PHEX: variants seen among roughly 807,000 people sequenced by gnomAD.
PHEX encodes phosphate-regulating neutral endopeptidase PHEX.
PHEX carries 16 observed loss-of-function variants against 68.0 expected under a neutral mutation model. The observed-to-expected ratio is 0.24, with a 90% CI of 0.16 to 0.36. PHEX has a LOEUF of 0.36. Ranked by LOEUF, PHEX falls within the 10% of genes least tolerant of loss-of-function variation. PHEX has a pLI of 1.00. For synonymous variants in PHEX, 208 were observed against 205.1 expected, an observed-to-expected ratio of 1.01 and a Z score of -0.12; for missense variants, 480 against 575.5, an observed-to-expected ratio of 0.83 and a Z score of 1.70.
At position 22,127,584 on chromosome X, in the gene PHEX, T is replaced by C. The variant is rs145773853; in HGVS notation, c.1303-5939T>C. Among the ~76,000 whole-genome samples the C allele has an allele frequency of 3.9e-3, 435 of 111,661 alleles. 4 individuals are homozygous for C. Among genetic ancestry groups the C allele is most frequent in the African/African-American group, 0.013 (410 of 30,722 alleles). ...AAAATAATTATTTCTCTTATTTGCATTGACATGTCAACCAATGAAATTAAT... is the reference window on the plus strand; with the variant it reads ...AAAATAATTATTTCTCTTATTTGCACTGACATGTCAACCAATGAAATTAAT... On this transcript the variant is annotated intron_variant, in intron 11 of 21. Coordinates refer to ENST00000379374, the MANE Select transcript of PHEX (RefSeq NM_000444.6).
intron 19 of PHEX, among the ~76,000 whole-genome samples, 173 bp downstream of exon 19, chrX:22,226,681 A>G (rs905268350): frequency 1.8e-5 from 2 of 111,925 alleles, no homozygotes; most frequent in Middle Eastern, 9.2e-3. Context: ...AAAGAGAACT[A>G]TATTTCTTTT....
intron 8 of PHEX, 146 bp downstream of exon 8, chrX:22,097,184 C>A: frequency 1.9e-6 from 1 of 521,650 alleles, no homozygotes. Context: ...TAAAATATCC[C>A]TTGTCTGTGT....
At position 22,038,555 on chromosome X, in the gene PHEX, A is replaced by G; in HGVS notation, c.187+18A>G. On this transcript the variant is annotated intron_variant, in intron 2 of 21. Transcript: ENST00000379374. ...CGAAGCGGGTAAGTCACAGTTTTCC[A>G]TCCTGTGTCAAGTTATAATTATGGT... 9.4e-7 allele frequency: 1 copy of G among 1,068,504 alleles called. No homozygotes were observed. The highest frequency in any genetic ancestry group is 1.3e-6 in the Non-Finnish European group (1 of 764,965). 88.1% of individuals were successfully genotyped at this position (1,068,504 alleles called of 1,213,427 possible). A position where few individuals can be genotyped will look rare whatever the true frequency, so the allele number is the denominator to read the frequency against.
chrX:22,033,245 G>T, intron 1 of PHEX, 122 bp downstream of exon 1: 1 of 529,964 alleles, frequency 1.9e-6, no homozygotes, highest in South Asian at 2.6e-5. Context: ...CATAGGTGGT[G>T]TATCTTTAGT....
chrX:22,245,670 T>A (rs1280145614), intron 21 of PHEX, among the ~76,000 whole-genome samples: 1 of 112,175 alleles, frequency 8.9e-6, no homozygotes, highest in Non-Finnish European at 1.9e-5. Flanking sequence ...AGTCTAGTGC[T>A]ACATCAAGTG....
chrX:22,190,584 A>G lies in PHEX; in HGVS notation c.1645+82A>G, dbSNP rs187525691. 4 of 667,692 alleles carry G rather than the reference A, an allele frequency of 6.0e-6. No homozygotes were observed. The Admixed American group carries it at 9.0e-5, about 15-fold the overall frequency. 55.0% of individuals were successfully genotyped at this position (667,692 alleles called of 1,213,427 possible). On this transcript the variant is annotated intron_variant, in intron 15 of 21. Coordinates refer to ENST00000379374, the MANE Select transcript of PHEX (RefSeq NM_000444.6). ...CCATGACTATGATGGAGGGTAAGACATTTCTTATTTCCCCCAAAAGTGGCA... is the reference window on the plus strand; with the variant it reads ...CCATGACTATGATGGAGGGTAAGACGTTTCTTATTTCCCCCAAAAGTGGCA...
At position 22,250,823 on chromosome X, in the gene PHEX, T is replaced by A. The variant is rs1474766889; in HGVS notation, c.*2870T>A. ...CTTAAAGCATAGCACATAAATTTTA[T>A]CTTATTTAGCCCTGGAGCATCACTA... On this transcript the variant is annotated 3_prime_UTR_variant, in exon 22 of 22. Transcript: ENST00000379374. 8.9e-6 allele frequency: 1 copy of A among 111,888 alleles called. No homozygotes were observed. The highest frequency in any genetic ancestry group is 3.2e-5 in the African/African-American group (1 of 30,771). The allele number at this position is 111,888 out of a possible 1,213,427, so 9.2% of individuals were successfully genotyped here. A position where few individuals can be genotyped will look rare whatever the true frequency, so the allele number is the denominator to read the frequency against.
chrX:22,209,744 G>GCTCCCTCTCCTCCCTCTC (rs1215563079), intron 15 of PHEX, among the ~76,000 whole-genome samples: 6 of 68,369 alleles, frequency 8.8e-5, no homozygotes, highest in East Asian at 4.4e-4. Context: ...TGCTCCCTCT[G>GCTCCCTCTCCTCCCTCTC]CTCCCTCTCC....
intron 18 of PHEX, among the ~76,000 whole-genome samples, chrX:22,223,571 C>CCTGT (rs1395141794): frequency 9.0e-6 from 1 of 111,624 alleles, no homozygotes; most frequent in Non-Finnish European, 1.9e-5. Flanking sequence ...ATACGGAGAC[C>CCTGT]CTGTCTCTAC....
intron 3 of PHEX, among the ~76,000 whole-genome samples, chrX:22,055,174 C>CAAAAAAAAAAAAAAAAAAAAAAAA (rs111628195): frequency 1.5e-4 from 10 of 66,100 alleles, no homozygotes; most frequent in Admixed American, 2.2e-4. Flanking sequence ...GACTCCAGCT[C>CAAAAAAAAAAAAAAAAAAAAAAAA]AAAAAAAAAA....
intron 11 of PHEX, among the ~76,000 whole-genome samples, chrX:22,122,342 C>G (rs767480327): frequency 1.8e-5 from 2 of 111,345 alleles, no homozygotes; most frequent in African/African-American, 6.5e-5. Flanking sequence ...TTATTATTAT[C>G]AAGATCACTT....
Position 22,069,141 on chromosome X carries a change from G to A in PHEX, c.350-7247G>A, listed in dbSNP as rs1378874307. On this transcript the variant is annotated intron_variant, in intron 3 of 21. Transcript: ENST00000379374. ...AGAGTGAGACTGTCTCAAATAGGAG[G>A]GAGAAAAAATATAAATAATTAGAGT... 2.7e-5 allele frequency among the ~76,000 whole-genome samples: 3 copies of A among 110,982 alleles called. No homozygotes were observed. The Admixed American group carries it at 2.9e-4, about 11-fold the overall frequency.
intron 13 of PHEX, 125 bp from the exon 14 acceptor site, chrX:22,178,148 C>A: frequency 2.3e-6 from 1 of 431,486 alleles, no homozygotes; most frequent in East Asian, 4.7e-5. Context: ...CAACTGATAA[C>A]AGCTGAGAGA....
At chrX:22,152,850 T>C (rs1027295340) in intron 12 of PHEX, among the ~76,000 whole-genome samples, 2 of 112,026 alleles carry the variant, frequency 1.8e-5, no homozygotes, top group Non-Finnish European at 3.8e-5. Flanking sequence ...ATTGGTATAC[T>C]TAGTATTTGT....
chrX:22,082,019 C>A (rs1182340752), intron 5 of PHEX, among the ~76,000 whole-genome samples: 4 of 112,059 alleles, frequency 3.6e-5, no homozygotes, highest in Non-Finnish European at 5.6e-5. Flanking sequence ...CAGCAAAACT[C>A]GTAAAAAATG....
At chrX:22,217,434 C>T (rs1968330473) in intron 16 of PHEX, among the ~76,000 whole-genome samples, 1 of 112,083 alleles carries the variant, frequency 8.9e-6, no homozygotes, top group Admixed American at 9.5e-5. Context: ...TACACCACTT[C>T]CTTGGGTGTA....
chrX:22,188,258 T>A (rs1934092819), intron 14 of PHEX, among the ~76,000 whole-genome samples: 1 of 112,294 alleles, frequency 8.9e-6, no homozygotes, highest in African/African-American at 3.2e-5. Context: ...ATACAAGTTT[T>A]TTTTTTCTTT....
chrX:22,233,304 G>A (rs778221937), intron 20 of PHEX, among the ~76,000 whole-genome samples: 1 of 111,003 alleles, frequency 9.0e-6, no homozygotes, highest in South Asian at 3.8e-4. Context: ...TGCTCTTCTC[G>A]AGGAGTATCT....
At chrX:22,122,466 C>T (rs1285710499) in intron 11 of PHEX, among the ~76,000 whole-genome samples, 2 of 111,489 alleles carry the variant, frequency 1.8e-5, no homozygotes, top group African/African-American at 6.5e-5. Flanking sequence ...GAAATTACAT[C>T]TGATTTTCTG....
Sources: gnomAD v4.1 joint callset for allele counts (sites outside exome capture counted in the v4.1 genomes callset) on GRCh38, gnomAD v4.1.1 for gene constraint, MANE v1.5 for transcripts, NCBI Gene and HGNC (gene_info 2026-07-23, HGNC 2026-07-21) for gene names.